The following KALRN variants were observed in gnomAD, a reference collection of about 807,000 sequenced individuals.
The protein encoded by KALRN is kalirin.
KALRN carries 70 observed loss-of-function variants against 353.7 expected under a neutral mutation model. That is an observed-to-expected ratio of 0.20 (90% confidence interval 0.16 to 0.24). The LOEUF is 0.24. KALRN is among the 10% of genes least tolerant of loss of function. KALRN has a pLI of 1.00. For synonymous variants in KALRN, 1,391 were observed against 1,434.8 expected (o/e 0.97, Z 0.69); for missense variants, 2,791 against 3,756.7 (o/e 0.74, Z 6.72).
At chr3:124,586,183 G>T (rs2075162232) in intron 34 of KALRN, among the ~76,000 whole-genome samples, 1 of 152,168 alleles carries the variant, frequency 6.6e-6, no homozygotes, top group South Asian at 2.1e-4. Flanking sequence ...GACCCTCTAA[G>T]TCTGATTCAG....
At chr3:124,517,315 G>T (rs1280550044) in intron 33 of KALRN, among the ~76,000 whole-genome samples, 4 of 152,148 alleles carry the variant, frequency 2.6e-5, no homozygotes, top group Admixed American at 2.6e-4. Context: ...TGATGCTGAA[G>T]TATTTTCTCT....
rs1461479737 is a variant in KALRN at position 124,616,923 on chromosome 3, C to T, written c.5183-15497C>T. On this transcript the variant is annotated intron_variant, in intron 34 of 59. Transcript: ENST00000682506. The stretch of plus-strand genomic sequence containing the variant: ...GAGCTTGCAGTGAGCTGAGATTGCA[C>T]CACTGCACTCCAGCCTGGGTGACAG... 2.0e-5 allele frequency among the ~76,000 whole-genome samples: 3 copies of T among 150,416 alleles called. No individual in the cohort carries two copies. The Middle Eastern group carries it at 9.6e-3, about 479-fold the overall frequency.
intron 1 of KALRN, among the ~76,000 whole-genome samples, chr3:124,142,748 T>C (rs1301618762): frequency 3.3e-5 from 5 of 152,114 alleles, no homozygotes; most frequent in Non-Finnish European, 2.9e-5. Context: ...CCTCTTTCCA[T>C]CTCCACCCCC....
chr3:124,432,600 A>G (rs2093322835), intron 16 of KALRN, among the ~76,000 whole-genome samples: 1 of 152,226 alleles, frequency 6.6e-6, no homozygotes, highest in Non-Finnish European at 1.5e-5. Context: ...CCTCAATCAA[A>G]TGGTGGCCAA....
intron 33 of KALRN, among the ~76,000 whole-genome samples, chr3:124,503,627 C>A (rs2064869390): frequency 1.3e-5 from 2 of 152,244 alleles, no homozygotes; most frequent in South Asian, 2.1e-4. Flanking sequence ...GGTATGCCTG[C>A]AGCTCCCCAC....
At chr3:124,238,950 C>T (rs759093155) in intron 3 of KALRN, among the ~76,000 whole-genome samples, 5 of 152,162 alleles carry the variant, frequency 3.3e-5, no homozygotes, top group Non-Finnish European at 5.9e-5. Context: ...AAACCTTAAA[C>T]GTCTTCTAAT....
intron 1 of KALRN, among the ~76,000 whole-genome samples, chr3:124,155,863 G>C (rs1003811823): frequency 2.0e-5 from 3 of 152,160 alleles, no homozygotes; most frequent in Admixed American, 6.5e-5. Context: ...TAGACACACA[G>C]AGCCTTTACC....
intron 6 of KALRN, among the ~76,000 whole-genome samples, chr3:124,325,102 A>G (rs749715415): frequency 1.3e-5 from 2 of 152,206 alleles, no homozygotes; most frequent in African/African-American, 4.8e-5. Flanking sequence ...TCCTTCCTGG[A>G]GCATTTTTCA....
intron 6 of KALRN, among the ~76,000 whole-genome samples, chr3:124,322,154 C>T (rs538759514): frequency 6.6e-6 from 1 of 152,322 alleles, no homozygotes; most frequent in East Asian, 1.9e-4. Flanking sequence ...AGTCTTGGTC[C>T]TCACACTACT....
At chr3:124,457,489 A>G (rs1057391826) in intron 23 of KALRN, among the ~76,000 whole-genome samples, 1 of 152,260 alleles carries the variant, frequency 6.6e-6, no homozygotes, top group Non-Finnish European at 1.5e-5. Flanking sequence ...ATTCACCTGC[A>G]CAGTGATGCC....
intron 1 of KALRN, among the ~76,000 whole-genome samples, chr3:124,045,464 A>G (rs1231131172): frequency 6.6e-6 from 1 of 152,210 alleles, no homozygotes; most frequent in Non-Finnish European, 1.5e-5. Flanking sequence ...CTTGGAAGTA[A>G]AGAGACACTT....
chr3:124,487,738 G>T (rs760456376), intron 28 of KALRN, among the ~76,000 whole-genome samples: 17 of 152,218 alleles, frequency 1.1e-4, no homozygotes, highest in Non-Finnish European at 2.1e-4. Flanking sequence ...GGCTGTAGAG[G>T]CTTGTAAATA....
rs1406190071 is a variant in KALRN, at chr3:124,339,209, C to T, written c.1647+4714C>T. Among the ~76,000 whole-genome samples the T allele has an allele frequency of 2.0e-5, 3 of 152,148 alleles. No homozygotes were observed. The East Asian group carries it at 5.8e-4, about 29-fold the overall frequency. ...CTCTCAGAGAGGTGGGAGGACCCAG[C>T]CTCCGCTCTGCTGGGAGGGGACGGG... On this transcript the variant is annotated intron_variant, in intron 9 of 59. Coordinates refer to ENST00000682506, the MANE Select transcript of KALRN (RefSeq NM_001388419.1).
At chr3:124,511,474 C>T (rs1453872079) in intron 33 of KALRN, among the ~76,000 whole-genome samples, 1 of 152,180 alleles carries the variant, frequency 6.6e-6, no homozygotes, top group Non-Finnish European at 1.5e-5. Context: ...AAGTGACTTC[C>T]ACTGGAGGAC....
intron 13 of KALRN, among the ~76,000 whole-genome samples, chr3:124,410,798 G>A (rs2092085021): frequency 6.6e-6 from 1 of 152,162 alleles, no homozygotes; most frequent in African/African-American, 2.4e-5. Context: ...CCCTTATAAA[G>A]TTAAACATAC....
intron 1 of KALRN, among the ~76,000 whole-genome samples, chr3:124,209,806 C>T (rs1290225218): frequency 2.0e-5 from 3 of 152,250 alleles, no homozygotes; most frequent in Non-Finnish European, 2.9e-5. Context: ...CAAATCACAT[C>T]ATCCCTCTGG....
intron 3 of KALRN, among the ~76,000 whole-genome samples, chr3:124,261,366 G>T (rs2148859938): frequency 6.6e-6 from 1 of 152,242 alleles, no homozygotes; most frequent in Non-Finnish European, 1.5e-5. Context: ...CTGAACTATA[G>T]CCCCAGCACA....
intron 1 of KALRN, among the ~76,000 whole-genome samples, chr3:124,089,420 G>T (rs950730416): frequency 7.9e-5 from 12 of 152,100 alleles, no homozygotes; most frequent in African/African-American, 2.9e-4. Flanking sequence ...GAGATGTGAG[G>T]AACATTTAAG....
chr3:124,519,082 A>C, intron 33 of KALRN: 1 of 985,858 alleles, frequency 1.0e-6, no homozygotes, highest in Non-Finnish European at 1.2e-6. Flanking sequence ...CAGCCTACTC[A>C]GATTTTTTCA....
Sources: gnomAD v4.1 joint callset for allele counts (sites outside exome capture counted in the v4.1 genomes callset) on GRCh38, gnomAD v4.1.1 for gene constraint, MANE v1.5 for transcripts, NCBI Gene and HGNC (gene_info 2026-07-23, HGNC 2026-07-21) for gene names.